Variants in SLC6A13 observed in about 807,000 individuals in gnomAD.
SLC6A13 encodes the protein solute carrier family 6 member 13, also known as sodium- and chloride-dependent GABA transporter 2.
A neutral mutation model predicts 72.9 loss-of-function variants in SLC6A13; 69 were observed. The observed-to-expected ratio is 0.95, with a 90% CI of 0.78 to 1.16. The LOEUF (loss-of-function observed/expected upper bound fraction) is 1.16. SLC6A13 is among the 50% of genes most tolerant of loss of function. The probability of loss-of-function intolerance (pLI) is 0.00; values close to 1 mark genes in which losing one functional copy is unlikely to be tolerated. For synonymous variants in SLC6A13, 303 were observed against 303.0 expected (o/e 1.00, Z 0.00); for missense variants, 735 against 760.5 (o/e 0.97, Z 0.39).
Position 235,125 on chromosome 12 carries a change from G to T in SLC6A13, c.796C>A (p.Leu266Met). Reference protein sequence around the residue: ...PGAAQGIQFYLYPNLTRLWDP... With the variant: ...PGAAQGIQFYMYPNLTRLWDP... ...CACAGACGCGTGAGGTTTGGGTACA[G>T]GTAAAACTGAATTCCTTGGGCTGCC... Residue 266 changes from leucine to methionine, a missense_variant, in exon 7 of 15, where the codon CTG (leucine) becomes ATG (methionine). Leu to Met is a conservative substitution (Grantham distance 15, BLOSUM62 2). Coordinates refer to ENST00000343164, the MANE Select transcript of SLC6A13 (RefSeq NM_016615.5). 6.2e-7 allele frequency: 1 copy of T among 1,614,216 alleles called. No individual in the cohort carries two copies. Among genetic ancestry groups the T allele is most frequent in the Non-Finnish European group, 8.5e-7 (1 of 1,180,032 alleles).
chr12:247,327 T>C (rs1431281121), intron 2 of SLC6A13, among the ~76,000 whole-genome samples: 1 of 151,688 alleles, frequency 6.6e-6, no homozygotes, highest in Non-Finnish European at 1.5e-5. Flanking sequence ...GAGAAAACCT[T>C]AAAAGTCACC....
intron 4 of SLC6A13, among the ~76,000 whole-genome samples, chr12:242,081 C>T (rs1385442369): frequency 2.6e-5 from 4 of 152,180 alleles, no homozygotes; most frequent in Admixed American, 6.5e-5. Context: ...CATCCAAGGA[C>T]GAAATTGCCA....
In SLC6A13 at chr12:243,778, T is replaced by A. The variant is rs1020542784; in HGVS notation, c.238A>T (p.Thr80Ser). The A allele has an allele frequency of 9.9e-6, 16 of 1,614,028 alleles. No individual in the cohort carries two copies. In the African/African-American group the frequency reaches 1.1e-4, roughly 11 times the overall value. The change falls in exon 3 of 15, where the codon ACC (threonine) becomes TCC (serine). Residue 80 changes from threonine (T) to serine (S), a missense_variant. By Grantham distance (58) the Thr-to-Ser change is moderately conservative. Coordinates refer to ENST00000343164, the MANE Select transcript of SLC6A13 (RefSeq NM_016615.5). ...AGAAGGAAGACAGGAATGCCACAGG[T>A]AAAGAGGAAGACGAGGTAGGGGATG... ...FFIPYLVFLFTCGIPVFLLET... is the reference protein window; with the variant it reads ...FFIPYLVFLFSCGIPVFLLET...
In SLC6A13 at chr12:256,056, C is replaced by T. The variant is rs1942732276; in HGVS notation, c.202+3795G>A. ...CCACCCTTTTAAAAATTGCCACCACCCACACCCACACTCCTGATCCCCTTT... is the reference window on the plus strand; with the variant it reads ...CCACCCTTTTAAAAATTGCCACCACTCACACCCACACTCCTGATCCCCTTT... On this transcript the variant is annotated intron_variant, in intron 2 of 14. Coordinates refer to ENST00000343164, the MANE Select transcript of SLC6A13 (RefSeq NM_016615.5). Among the ~76,000 whole-genome samples the T allele has an allele frequency of 3.3e-5, 5 of 152,250 alleles. No homozygotes were observed. In the South Asian group the frequency reaches 1.0e-3, roughly 32 times the overall value.
chr12:232,898 T>C (rs1184057838), intron 7 of SLC6A13, among the ~76,000 whole-genome samples: 2 of 152,226 alleles, frequency 1.3e-5, no homozygotes, highest in African/African-American at 2.4e-5. Flanking sequence ...TGAGGACAGT[T>C]TGGCTTCCGG....
In SLC6A13 at chr12:224,502, C is replaced by T. The variant is rs1215163114; in HGVS notation, c.1072G>A (p.Ala358Thr). 1 of 1,613,854 alleles carries T rather than the reference C, an allele frequency of 6.2e-7. No individual in the cohort carries two copies. The highest frequency in any genetic ancestry group is 1.7e-5 in the Admixed American group (1 of 60,004). ...SEVAESGPGL[A>T]FIAYPRAVVM... ...ACAGCCCGCGGGTAAGCGATGAAAG[C>T]CAGGCCAGGGCCTACGACAAGGAGC... The change falls in exon 10 of 15, where the codon GCT becomes ACT. Residue 358 changes from alanine to threonine, a missense_variant. Physicochemically the swap from Ala to Thr is moderately conservative, Grantham distance 58. Coordinates refer to ENST00000343164, the MANE Select transcript of SLC6A13 (RefSeq NM_016615.5).
chr12:256,850 G>A (rs1455086013), intron 2 of SLC6A13, among the ~76,000 whole-genome samples: 5 of 152,134 alleles, frequency 3.3e-5, no homozygotes, highest in Non-Finnish European at 4.4e-5. Flanking sequence ...AGTCGGGTAC[G>A]TTACTAAAGG....
Position 222,426 on chromosome 12 carries a change from T to C in SLC6A13, c.1515+106A>G. On this transcript the variant is annotated intron_variant, in intron 13 of 14. Coordinates refer to ENST00000343164, the MANE Select transcript of SLC6A13 (RefSeq NM_016615.5). ...GGATGAGTGAAAATCTAAGATGATT[T>C]TCAGTTCCTAGGGAGAAGTCCATTG... The C allele has an allele frequency of 5.0e-6, 3 of 603,418 alleles. No homozygotes were observed. In the South Asian group the frequency reaches 6.8e-5, roughly 14 times the overall value. 37.4% of individuals were successfully genotyped at this position (603,418 alleles called of 1,614,324 possible).
chr12:233,423 G>A (rs192939340), intron 7 of SLC6A13, among the ~76,000 whole-genome samples: 3 of 152,302 alleles, frequency 2.0e-5, no homozygotes, highest in Non-Finnish European at 2.9e-5. Flanking sequence ...CTCCCTACCC[G>A]GACGGTAAAA....
intron 2 of SLC6A13, among the ~76,000 whole-genome samples, chr12:256,113 C>T (rs529411200): frequency 2.0e-5 from 3 of 152,286 alleles, no homozygotes; most frequent in South Asian, 2.1e-4. Context: ...TTCTATAGCA[C>T]TCATTAATTC....
rs1470945879 is a variant in SLC6A13, at chr12:260,005, TG to T, written c.47del (p.Pro16GlnfsTer37). ...SGTTSNGETK[P>X]VYPVMEKKEE... ...CCTTCTTTTCCATGACTGGATACAC[TG>T]GTTTTGTCTCTCCATTACTGGTTGT... On this transcript the variant is annotated frameshift_variant, in exon 2 of 15. Coordinates refer to ENST00000343164, the MANE Select transcript of SLC6A13 (RefSeq NM_016615.5). LOFTEE classifies it high-confidence loss of function. The T allele has an allele frequency of 1.9e-6, 3 of 1,614,216 alleles. No homozygotes were observed. Among genetic ancestry groups the T allele is most frequent in the Non-Finnish European group, 1.7e-6 (2 of 1,180,018 alleles).
chr12:240,235 T>C (rs1315522511), intron 4 of SLC6A13, among the ~76,000 whole-genome samples: 1 of 152,106 alleles, frequency 6.6e-6, no homozygotes, highest in African/African-American at 2.4e-5. Flanking sequence ...ACCAAGTCTT[T>C]CTCTATTACC....
chr12:222,566 T>A lies in SLC6A13; in HGVS notation c.1481A>T (p.Tyr494Phe). ...AGCTGGTGTGAGGAAGAGCCAACAG[T>A]ATTTGATAAGAGGCCATGGCCTGTA... ...IGYRPWPLIK[Y>F]CWLFLTPAVC... The change falls in exon 13 of 15, where the codon TAC becomes TTC. Residue 494 changes from tyrosine (Y) to phenylalanine (F), a missense_variant. By Grantham distance (22) the Tyr-to-Phe change is conservative. Coordinates refer to ENST00000343164, the MANE Select transcript of SLC6A13 (RefSeq NM_016615.5). 1.2e-6 allele frequency: 2 copies of A among 1,610,266 alleles called. No homozygotes were observed. The highest frequency in any genetic ancestry group is 8.5e-7 in the Non-Finnish European group (1 of 1,177,898).
intron 2 of SLC6A13, among the ~76,000 whole-genome samples, chr12:248,470 C>T (rs519566): frequency 0.19 from 28,446 of 148,388 alleles, 3,089 homozygotes; most frequent in East Asian, 0.38. Flanking sequence ...TAAAGTTTAT[C>T]TTAATGTCAC....
intron 12 of SLC6A13, 164 bp downstream of exon 12, chr12:222,968 C>A: frequency 1.7e-6 from 1 of 597,820 alleles, no homozygotes; most frequent in Non-Finnish European, 3.0e-6. Flanking sequence ...TTCTGGAGGG[C>A]CTTCCAAAGG....
chr12:242,991 A>G (rs890640284), intron 3 of SLC6A13, among the ~76,000 whole-genome samples: 3 of 152,144 alleles, frequency 2.0e-5, no homozygotes, highest in Admixed American at 6.6e-5. Flanking sequence ...GTAAATTTTA[A>G]ATACTTGTGT....
chr12:255,447 G>A (rs1215742694), intron 2 of SLC6A13, among the ~76,000 whole-genome samples: 1 of 152,178 alleles, frequency 6.6e-6, no homozygotes, highest in Non-Finnish European at 1.5e-5. Flanking sequence ...TGTAATCCCA[G>A]CACTTTGGGA....
At chr12:261,840 C>T (rs1942935390) in intron 1 of SLC6A13, among the ~76,000 whole-genome samples, 2 of 151,820 alleles carry the variant, frequency 1.3e-5, no homozygotes, top group African/African-American at 2.4e-5. Flanking sequence ...GCAGGAGAAT[C>T]GCTTGAAACC....
chr12:224,243 C>A, intron 10 of SLC6A13, 114 bp from the exon 11 acceptor site: 1 of 1,456,260 alleles, frequency 6.9e-7, no homozygotes, highest in Non-Finnish European at 9.5e-7. Context: ...GTCTCAGGTC[C>A]CCTGAGCTAT....
Sources: allele counts gnomAD v4.1 joint callset (sites outside exome capture counted in the v4.1 genomes callset), GRCh38; gene constraint gnomAD v4.1.1; transcripts MANE v1.5; gene names NCBI Gene and HGNC (gene_info 2026-07-23, HGNC 2026-07-21).